XKR9: variants seen among roughly 807,000 people sequenced by gnomAD.
XKR9 encodes the protein XK-related protein 9.
Under a neutral mutation model 32.0 loss-of-function variants are expected in XKR9, and 32 were observed. The observed-to-expected ratio is 1.00, with a 90% confidence interval of 0.76 to 1.34. The LOEUF is 1.34. Among genes scored for constraint, XKR9 ranks in the 40% most tolerant of loss-of-function variants. The pLI, the probability that XKR9 is intolerant of heterozygous loss-of-function variation, is 0.00. For missense variants in XKR9, 546 were observed against 429.7 expected (o/e 1.27, Z -2.39); for synonymous variants, 168 against 143.4 (o/e 1.17, Z -1.22).
intron 3 of XKR9, among the ~76,000 whole-genome samples, chr8:70,686,240 CTTTT>C (rs35422609): frequency 8.1e-6 from 1 of 123,102 alleles, no homozygotes. Flanking sequence ...TCACTCCATT[CTTTT>C]TTTTTTTTTT....
the XKR9 span, among the ~76,000 whole-genome samples, chr8:70,954,396 C>T: frequency 9.9e-3 from 1,509 of 152,324 alleles, 23 homozygotes; most frequent in African/African-American, 0.034. Flanking sequence ...AGGTGCATAA[C>T]AGTGTCCTCC....
chr8:70,691,220 G>A (rs995794782), intron 3 of XKR9, among the ~76,000 whole-genome samples: 1 of 151,984 alleles, frequency 6.6e-6, no homozygotes, highest in African/African-American at 2.4e-5. Flanking sequence ...TTTTGAGAGG[G>A]GTCTGTTCAT....
chr8:70,686,680 G>C (rs1278334352), intron 3 of XKR9, among the ~76,000 whole-genome samples: 1 of 152,152 alleles, frequency 6.6e-6, no homozygotes, highest in Admixed American at 6.5e-5. Context: ...TTAGGCTCAA[G>C]TGATCCGTCT....
chr8:70,690,274 A>G (rs1262453730), intron 3 of XKR9, among the ~76,000 whole-genome samples: 1 of 152,018 alleles, frequency 6.6e-6, no homozygotes, highest in Non-Finnish European at 1.5e-5. Flanking sequence ...CCCCTCAAGT[A>G]GATGCGTGTC....
chr8:71,034,416 C>G, the XKR9 span, among the ~76,000 whole-genome samples: 1 of 152,186 alleles, frequency 6.6e-6, no homozygotes, highest in Admixed American at 6.5e-5. Flanking sequence ...AGCTGTGAGT[C>G]GATTAAACCT....
intron 2 of XKR9, among the ~76,000 whole-genome samples, chr8:70,755,765 G>A (rs1391138408): frequency 6.9e-6 from 1 of 145,636 alleles, no homozygotes; most frequent in Admixed American, 6.8e-5. Flanking sequence ...GTTGTGGGGT[G>A]GGGGGAGGGG....
At chr8:70,836,814 C>T in the XKR9 span, among the ~76,000 whole-genome samples, 1 of 152,016 alleles carries the variant, frequency 6.6e-6, no homozygotes, top group Admixed American at 6.6e-5. Context: ...AGGCACTATG[C>T]TGGGCACTGG....
chr8:70,829,869 A>G, the XKR9 span, among the ~76,000 whole-genome samples: 2 of 152,198 alleles, frequency 1.3e-5, no homozygotes, highest in African/African-American at 4.8e-5. Context: ...GTAATGCTCA[A>G]ACGTGATACC....
the XKR9 span, among the ~76,000 whole-genome samples, chr8:70,855,426 G>A: frequency 4.0e-4 from 61 of 152,124 alleles, no homozygotes; most frequent in Middle Eastern, 3.4e-3. Context: ...GAAGTTTAGA[G>A]AAAAAGAATA....
the XKR9 span, among the ~76,000 whole-genome samples, chr8:70,926,144 G>A: frequency 2.0e-5 from 3 of 151,982 alleles, no homozygotes; most frequent in East Asian, 1.9e-4. Flanking sequence ...GCGCGATCTC[G>A]GCTCACTGCA....
intron 2 of XKR9, among the ~76,000 whole-genome samples, chr8:70,757,778 G>T (rs12678084): frequency 0.32 from 48,292 of 151,802 alleles, 9,014 homozygotes; most frequent in Non-Finnish European, 0.43. Flanking sequence ...GTAGAGACAG[G>T]ATTTCGCCAT....
At chr8:70,844,151 C>A in the XKR9 span, among the ~76,000 whole-genome samples, 3 of 152,200 alleles carry the variant, frequency 2.0e-5, no homozygotes, top group Admixed American at 2.0e-4. Context: ...AAAGTTACCA[C>A]AGACAGCAAC....
intron 4 of XKR9, among the ~76,000 whole-genome samples, chr8:70,714,782 C>T (rs986134275): frequency 3.3e-5 from 5 of 151,964 alleles, no homozygotes; most frequent in African/African-American, 9.7e-5. Flanking sequence ...TGGGAGTTCT[C>T]TATTTTCTTC....
intron 2 of XKR9, among the ~76,000 whole-genome samples, chr8:70,743,529 A>AT (rs200995660): frequency 2.5e-4 from 38 of 151,350 alleles, no homozygotes; most frequent in East Asian, 1.7e-3. Flanking sequence ...TCAGAGAAAC[A>AT]TTTTTTTTTC....
chr8:71,023,879 G>T, the XKR9 span, among the ~76,000 whole-genome samples: 3 of 152,186 alleles, frequency 2.0e-5, no homozygotes, highest in Non-Finnish European at 4.4e-5. Flanking sequence ...TGCCAGTGCT[G>T]GTGGACAGGG....
the XKR9 span, among the ~76,000 whole-genome samples, chr8:70,803,089 G>A: frequency 4.6e-5 from 7 of 152,156 alleles, no homozygotes; most frequent in African/African-American, 1.7e-4. Flanking sequence ...AGGGTTGACA[G>A]TATGACATAG....
chr8:70,733,974 A>G lies in XKR9; in HGVS notation c.672A>G (p.Leu224=), dbSNP rs1188162350. 2 of 1,612,376 alleles carry G rather than the reference A, an allele frequency of 1.2e-6. No individual in the cohort carries two copies. Among genetic ancestry groups the G allele is most frequent in the African/African-American group, 1.3e-5 (1 of 74,836 alleles). The change falls in exon 5 of 5, where the codon CTA becomes CTG. Residue 224 remains leucine (L), a synonymous_variant. Coordinates refer to ENST00000408926, the MANE Select transcript of XKR9 (RefSeq NM_001011720.2). ...GGATGCTGAGTGTTGTACTTCTACT[A>G]TTCTTAAATGTTAAGATTGCTTTAT... ...LSWMLSVVLL[L]FLNVKIALFL... is the part of the protein sequence containing the mutation.
At chr8:70,814,979 G>T in the XKR9 span, among the ~76,000 whole-genome samples, 1 of 152,024 alleles carries the variant, frequency 6.6e-6, no homozygotes, top group East Asian at 1.9e-4. Context: ...AATCAAGAAG[G>T]CCATACTATT....
chr8:70,805,330 C>G, the XKR9 span, among the ~76,000 whole-genome samples: 3 of 152,220 alleles, frequency 2.0e-5, no homozygotes, highest in African/African-American at 4.8e-5. Flanking sequence ...GTGTCTCACC[C>G]CAGAGCTGCG....
Sources: allele counts gnomAD v4.1 joint callset (sites outside exome capture counted in the v4.1 genomes callset), GRCh38; gene constraint gnomAD v4.1.1; transcripts MANE v1.5; gene names NCBI Gene and HGNC (gene_info 2026-07-23, HGNC 2026-07-21).